Variants in CLN5 observed in about 807,000 individuals in gnomAD.
CLN5 encodes bis(monoacylglycero)phosphate synthase CLN5.
CLN5 carries 34 observed loss-of-function variants against 36.7 expected under a neutral mutation model. That is an observed-to-expected ratio of 0.93 (90% CI 0.71 to 1.23). The LOEUF (loss-of-function observed/expected upper bound fraction) is 1.23, where lower values mean the gene tolerates loss of function less well. CLN5 is among the 50% of genes most tolerant of loss of function. CLN5 has a pLI of 0.00. For missense variants in CLN5, 427 were observed against 439.4 expected (o/e 0.97, Z 0.25); for synonymous variants, 151 against 155.1 (o/e 0.97, Z 0.20).
At chr13:77,000,227 A>C (rs190202279) in intron 3 of CLN5, 3 of 347,674 alleles carry the variant, frequency 8.6e-6, no homozygotes, top group Admixed American at 8.6e-5. Context: ...AAAAAGAAAA[A>C]TTAAAAAATT....
Position 77,000,704 on chromosome 13 carries a change from A to G in CLN5, c.812A>G (p.Asn271Ser), listed in dbSNP as rs199609750. The part of the protein sequence containing the change: ...LYSGEPTYLG[N>S]ETSVFGPTGN... ...AGTGGAGAACCTACTTATCTGGGAAATGAAACATCTGTTTTTGGGCCAACA... is the reference window on the plus strand; with the variant it reads ...AGTGGAGAACCTACTTATCTGGGAAGTGAAACATCTGTTTTTGGGCCAACA... Residue 271 changes from asparagine to serine, a missense_variant, in exon 4 of 4, where the codon AAT becomes AGT. Physicochemically the swap from Asn to Ser is conservative, Grantham distance 46. Coordinates refer to ENST00000377453, the MANE Select transcript of CLN5 (RefSeq NM_006493.4). 3.5e-5 allele frequency: 57 copies of G among 1,613,982 alleles called. No individual in the cohort carries two copies. In the Admixed American group the frequency reaches 5.3e-4, roughly 15 times the overall value.
Position 76,996,122 on chromosome 13 carries a change from T to C in CLN5, c.560T>C (p.Ile187Thr), listed in dbSNP as rs1193798878. Reference sequence around the variant, plus strand: ...GGGACATTAGTTCAAGTAGCAACTATATCAGGTAAGTTGTGAAAATATAGC... The same window carrying C: ...GGGACATTAGTTCAAGTAGCAACTACATCAGGTAAGTTGTGAAAATATAGC... The part of the protein sequence containing the change: ...ENGTLVQVAT[I>T]SGNMFNQMAK... The change falls in exon 3 of 4, where the codon ATA becomes ACA. Residue 187 changes from isoleucine (I) to threonine (T), a missense_variant. Transcript: ENST00000377453. 6.2e-7 allele frequency: 1 copy of C among 1,611,860 alleles called. No homozygotes were observed.
Position 76,993,270 on chromosome 13 carries a change from A to G in CLN5, c.173+999A>G, listed in dbSNP as rs2034210906. 2.0e-5 allele frequency: 3 copies of G among 152,208 alleles called. No homozygotes were observed. The South Asian group carries it at 6.2e-4, about 31-fold the overall frequency. 9.4% of individuals were successfully genotyped at this position (152,208 alleles called of 1,614,324 possible). On this transcript the variant is annotated intron_variant, in intron 1 of 3. Coordinates refer to ENST00000377453, the MANE Select transcript of CLN5 (RefSeq NM_006493.4). ...AAAAATAGGAATAGTGGTAGCACGT[A>G]CCTCATAGGTTTGCTGGAAGGATTA...
At position 76,992,278 on chromosome 13, in the gene CLN5, G is replaced by A; in HGVS notation, c.173+7G>A. On this transcript the variant is annotated splice_region_variant and intron_variant, in intron 1 of 3. Transcript: ENST00000377453. ...ACTGGCCGGTGCCCTACAAGTGAGT[G>A]CGGCGGCGCGCGCACTGTCGGGGTT... 1.3e-6 allele frequency: 2 copies of A among 1,553,724 alleles called. No individual in the cohort carries two copies. The highest frequency in any genetic ancestry group is 1.7e-6 in the Non-Finnish European group (2 of 1,157,254).
intron 3 of CLN5, chr13:76,999,037 G>A (rs985908291): frequency 1.3e-5 from 2 of 152,116 alleles, no homozygotes; most frequent in Non-Finnish European, 2.9e-5. Context: ...TATTTGCCTT[G>A]TGAATAATCC....
At position 77,000,443 on chromosome 13, in the gene CLN5, G is replaced by GT. The variant is rs760343764; in HGVS notation, c.566-8dup. ...TTTGTTCACTAGGTGACTTTGTTTT[G>GT]TTTTTTTAAACTAGGAAACATGTTC... On this transcript the variant is annotated splice_polypyrimidine_tract_variant and intron_variant, in intron 3 of 3. Coordinates refer to ENST00000377453, the MANE Select transcript of CLN5 (RefSeq NM_006493.4). 1.3e-5 allele frequency: 20 copies of GT among 1,588,858 alleles called. No homozygotes were observed. The highest frequency in any genetic ancestry group is 2.3e-5 in the East Asian group (1 of 44,286).
In CLN5 at chr13:77,003,237, AG is replaced by A. The variant is rs1458830769; in HGVS notation, c.*2270del. On this transcript the variant is annotated 3_prime_UTR_variant, in exon 4 of 4. Transcript: ENST00000377453. ...TAAGGCAGGAGAATCACTTGAACCC[AG>A]GAGGCAGAGGTTGCAGTGAGCTGAG... 2.0e-5 allele frequency: 3 copies of A among 152,092 alleles called. No individual in the cohort carries two copies. Among genetic ancestry groups the A allele is most frequent in the Admixed American group, 6.5e-5 (1 of 15,270 alleles). The allele number at this position is 152,092 out of a possible 1,614,324, so 9.4% of individuals were successfully genotyped here. A position where few individuals can be genotyped will look rare whatever the true frequency, so the allele number is the denominator to read the frequency against.
rs543709778 is a variant in CLN5, at chr13:77,002,686, A to G, written c.*1717A>G. On this transcript the variant is annotated 3_prime_UTR_variant, in exon 4 of 4. Coordinates refer to ENST00000377453, the MANE Select transcript of CLN5 (RefSeq NM_006493.4). ...CTCCTTTAGCCTGTCGACTCCTTAT[A>G]ATAATGCCTAAATATTCCAAATTAA... 2.6e-5 allele frequency: 4 copies of G among 152,082 alleles called. No homozygotes were observed. Among genetic ancestry groups the G allele is most frequent in the Non-Finnish European group, 4.4e-5 (3 of 67,964 alleles). 9.4% of individuals were successfully genotyped at this position (152,082 alleles called of 1,614,324 possible).
At chr13:76,998,849 C>T (rs1281295894) in intron 3 of CLN5, 1 of 152,190 alleles carries the variant, frequency 6.6e-6, no homozygotes, top group Non-Finnish European at 1.5e-5. Context: ...TACAAAAGTC[C>T]ATCATTAGCG....
chr13:76,992,848 T>C (rs953221282), intron 1 of CLN5: 2 of 152,870 alleles, frequency 1.3e-5, no homozygotes, highest in Non-Finnish European at 2.9e-5. Context: ...GTCTTCAGCC[T>C]GGAGGTAGGA....
Position 77,000,925 on chromosome 13 carries a change from G to A in CLN5, c.1033G>A (p.Glu345Lys). ...KFPFIKITYE[E>K]IPLPIRNKTL... is the part of the protein sequence containing the mutation. ...CCCTTTTATTAAAATAACATATGAA[G>A]AAATCCCTTTACCTATCAGAAACAA... Residue 345 changes from glutamate to lysine, a missense_variant, in exon 4 of 4, where the codon GAA becomes AAA. Coordinates refer to ENST00000377453, the MANE Select transcript of CLN5 (RefSeq NM_006493.4). 6.3e-7 allele frequency: 1 copy of A among 1,599,364 alleles called. No homozygotes were observed. Among genetic ancestry groups the A allele is most frequent in the Non-Finnish European group, 8.5e-7 (1 of 1,174,220 alleles).
At chr13:76,995,392 T>C in intron 2 of CLN5, 164 bp downstream of exon 2, 1 of 687,432 alleles carries the variant, frequency 1.5e-6, no homozygotes, top group South Asian at 1.7e-5. Context: ...TATCAGATTT[T>C]GTAATCTTGA....
rs2034339888 is a variant in CLN5, at chr13:77,000,495, G to A, written c.603G>A (p.Gln201=). 1 of 1,613,730 alleles carries A rather than the reference G, an allele frequency of 6.2e-7. No homozygotes were observed. The highest frequency in any genetic ancestry group is 8.5e-7 in the Non-Finnish European group (1 of 1,179,930). Residue 201 remains glutamine (Q), a synonymous_variant, in exon 4 of 4, where the codon CAG becomes CAA. Coordinates refer to ENST00000377453, the MANE Select transcript of CLN5 (RefSeq NM_006493.4). The stretch of plus-strand genomic sequence containing the variant: ...ACCAAATGGCAAAGTGGGTGAAACA[G>A]GACAATGAAACAGGAATTTATTATG... ...MFNQMAKWVK[Q]DNETGIYYET... is the part of the protein sequence containing the mutation.
chr13:76,995,967 G>T lies in CLN5; in HGVS notation c.405G>T (p.Trp135Cys), dbSNP rs2034258749. ...TLTGKNYTMEWYELFQLGNCT... is the reference protein window; with the variant it reads ...TLTGKNYTMECYELFQLGNCT... Reference sequence around the variant, plus strand: ...CTGGCAAGAACTACACAATGGAATGGTATGAACTTTTCCAACTTGGCAACT... The same window carrying T: ...CTGGCAAGAACTACACAATGGAATGTTATGAACTTTTCCAACTTGGCAACT... Residue 135 changes from tryptophan to cysteine, a missense_variant, in exon 3 of 4, where the codon TGG becomes TGT. By Grantham distance (215) the Trp-to-Cys change is radical. Coordinates refer to ENST00000377453, the MANE Select transcript of CLN5 (RefSeq NM_006493.4). 1 of 1,614,086 alleles carries T rather than the reference G, an allele frequency of 6.2e-7. No individual in the cohort carries two copies. Among genetic ancestry groups the T allele is most frequent in the Non-Finnish European group, 8.5e-7 (1 of 1,180,050 alleles).
Position 76,995,932 on chromosome 13 carries a change from A to G in CLN5, c.370A>G (p.Ser124Gly), listed in dbSNP as rs1259040736. ...TATGCATGATGCCATTGGATTCAGA[A>G]GTACATTAACTGGCAAGAACTACAC... ...KIMHDAIGFR[S>G]TLTGKNYTME... Residue 124 changes from serine (S) to glycine (G), a missense_variant, in exon 3 of 4, where the codon AGT becomes GGT. Ser to Gly is a moderately conservative substitution (Grantham distance 56, BLOSUM62 0). Coordinates refer to ENST00000377453, the MANE Select transcript of CLN5 (RefSeq NM_006493.4). The G allele has an allele frequency of 1.2e-6, 2 of 1,614,158 alleles. No individual in the cohort carries two copies. The highest frequency in any genetic ancestry group is 1.7e-6 in the Non-Finnish European group (2 of 1,179,998).
At chr13:76,996,958 A>G (rs942084977) in intron 3 of CLN5, 9 of 151,998 alleles carry the variant, frequency 5.9e-5, no homozygotes, top group African/African-American at 2.2e-4. Context: ...TCCCGCCAAT[A>G]TCTATTTTTT....
In CLN5 at chr13:77,000,460, A is replaced by G. The variant is rs778310133; in HGVS notation, c.568A>G (p.Asn190Asp). 1.2e-6 allele frequency: 2 copies of G among 1,612,758 alleles called. No homozygotes were observed. Among genetic ancestry groups the G allele is most frequent in the Middle Eastern group, 1.6e-4 (1 of 6,062 alleles). Residue 190 changes from asparagine to aspartate, a missense_variant and splice_region_variant, in exon 4 of 4, where the codon AAC becomes GAC. Physicochemically the swap from Asn to Asp is conservative, Grantham distance 23. Transcript: ENST00000377453. ...TTTGTTTTGTTTTTTTAAACTAGGA[A>G]ACATGTTCAACCAAATGGCAAAGTG... Reference protein sequence around the residue: ...TLVQVATISGNMFNQMAKWVK... With the variant: ...TLVQVATISGDMFNQMAKWVK...
Position 77,002,868 on chromosome 13 carries a change from C to A in CLN5, c.*1899C>A, listed in dbSNP as rs1361469392. ...ACTACAGGATTTTGGATTTCCAGAACTGCCTTGAAGAGACAAAGATTCTTG... is the reference window on the plus strand; with the variant it reads ...ACTACAGGATTTTGGATTTCCAGAAATGCCTTGAAGAGACAAAGATTCTTG... On this transcript the variant is annotated 3_prime_UTR_variant, in exon 4 of 4. Transcript: ENST00000377453. 3 of 152,156 alleles carry A rather than the reference C, an allele frequency of 2.0e-5. No individual in the cohort carries two copies. Among genetic ancestry groups the A allele is most frequent in the African/African-American group, 4.8e-5 (2 of 41,432 alleles). The allele number at this position is 152,156 out of a possible 1,614,324, so 9.4% of individuals were successfully genotyped here. A position where few individuals can be genotyped will look rare whatever the true frequency, so the allele number is the denominator to read the frequency against.
At chr13:76,992,451 A>G (rs985084165) in intron 1 of CLN5, 180 bp downstream of exon 1, 1 of 686,222 alleles carries the variant, frequency 1.5e-6, no homozygotes, top group Non-Finnish European at 2.4e-6. Flanking sequence ...GGGGAGTCGC[A>G]GCCGCTCGTT....
Sources: gnomAD v4.1 joint callset for allele counts on GRCh38, gnomAD v4.1.1 for gene constraint, MANE v1.5 for transcripts, NCBI Gene and HGNC (gene_info 2026-07-23, HGNC 2026-07-21) for gene names.